VBP1: variants seen among roughly 807,000 people sequenced by gnomAD.
VBP1 encodes prefoldin subunit 3.
In VBP1, 4 loss-of-function variants were observed where a neutral mutation model predicts 15.5. That is an observed-to-expected ratio of 0.26 (90% CI 0.13 to 0.59). The LOEUF (loss-of-function observed/expected upper bound fraction) is 0.59, where lower values mean the gene tolerates loss of function less well. Ranked by LOEUF, VBP1 falls within the 20% of genes least tolerant of loss-of-function variation. The pLI is 0.90. For synonymous variants in VBP1, 61 were observed against 52.1 expected (o/e 1.17, Z -0.74); for missense variants, 108 against 139.6 (o/e 0.77, Z 1.14).
upstream of VBP1, among the ~76,000 whole-genome samples, chrX:155,214,250 T>C (rs1161882048): frequency 8.9e-6 from 1 of 112,594 alleles, no homozygotes; most frequent in East Asian, 2.7e-4. Flanking sequence ...AATGAAAATA[T>C]CAAGCAACAT....
intron 4 of VBP1, among the ~76,000 whole-genome samples, chrX:155,230,517 A>T (rs1347441941): frequency 5.4e-5 from 6 of 111,392 alleles, no homozygotes; most frequent in Non-Finnish European, 1.1e-4. Context: ...GAATTCCTAA[A>T]GTCTTTCCAG....
At chrX:155,235,122 G>A (rs782169463) in intron 4 of VBP1, among the ~76,000 whole-genome samples, 1 of 109,652 alleles carries the variant, frequency 9.1e-6, no homozygotes, top group African/African-American at 3.3e-5. Context: ...GTGTATGTGT[G>A]TGTGTGTGTG....
At chrX:155,230,438 A>G (rs782594012) in intron 4 of VBP1, among the ~76,000 whole-genome samples, 8 of 111,463 alleles carry the variant, frequency 7.2e-5, no homozygotes, top group African/African-American at 2.0e-4. Flanking sequence ...ACTTAAATGT[A>G]TCTTTTTTGG....
At chrX:155,210,918 C>G (rs1557308470) in intron 2 of VBP1, among the ~76,000 whole-genome samples, 1 of 111,936 alleles carries the variant, frequency 8.9e-6, no homozygotes, top group Non-Finnish European at 1.9e-5. Context: ...GCTGGCTTGG[C>G]TTTCTTGAAA....
intron 4 of VBP1, among the ~76,000 whole-genome samples, chrX:155,232,143 G>T (rs782458133): frequency 1.3e-4 from 14 of 110,183 alleles, no homozygotes; most frequent in African/African-American, 4.6e-4. Context: ...ATAGGTTTTT[G>T]TATGACAAAA....
chrX:155,227,535 A>AG (rs1287998920), intron 3 of VBP1, among the ~76,000 whole-genome samples: 10 of 112,596 alleles, frequency 8.9e-5, no homozygotes, highest in African/African-American at 2.9e-4. Context: ...GCTTATCTTT[A>AG]GTGCTTGTGA....
At chrX:155,217,253 A>G (rs1261989480) in intron 1 of VBP1, among the ~76,000 whole-genome samples, 1 of 112,303 alleles carries the variant, frequency 8.9e-6, no homozygotes, top group African/African-American at 3.2e-5. Flanking sequence ...TGATGGCGCT[A>G]GGTCCCAGGT....
At chrX:155,209,751 TAGG>T (rs1419698092) in intron 2 of VBP1, among the ~76,000 whole-genome samples, 1 of 112,099 alleles carries the variant, frequency 8.9e-6, no homozygotes, top group African/African-American at 3.2e-5. Flanking sequence ...ACATTTGTTT[TAGG>T]AGGAGTGACA....
chrX:155,214,853 T>C (rs1382196023), upstream of VBP1, among the ~76,000 whole-genome samples: 1 of 100,621 alleles, frequency 9.9e-6, no homozygotes, highest in African/African-American at 3.9e-5. Flanking sequence ...GCTGCAGCCA[T>C]GGCAGGAAGG....
At chrX:155,207,602 T>C (rs2074630460) in intron 1 of VBP1, among the ~76,000 whole-genome samples, 1 of 111,868 alleles carries the variant, frequency 8.9e-6, no homozygotes, top group African/African-American at 3.2e-5. Context: ...TCCAAATTGC[T>C]GGCATGGGGC....
chrX:155,200,838 A>G (rs2074600303), intron 1 of VBP1, among the ~76,000 whole-genome samples: 2 of 110,910 alleles, frequency 1.8e-5, no homozygotes, highest in South Asian at 7.7e-4. Context: ...TTTTGAAAGG[A>G]TCAACAAAAT....
chrX:155,231,305 G>A (rs1258364650), intron 4 of VBP1, among the ~76,000 whole-genome samples: 1 of 111,799 alleles, frequency 8.9e-6, no homozygotes, highest in Non-Finnish European at 1.9e-5. Context: ...TGCCAGTGTG[G>A]CCCCACATTT....
intron 1 of VBP1, among the ~76,000 whole-genome samples, chrX:155,217,304 G>A (rs781786697): frequency 8.9e-6 from 1 of 112,239 alleles, no homozygotes; most frequent in Non-Finnish European, 1.9e-5. Context: ...TCCACAGGCC[G>A]TTCTGGAGGG....
At chrX:155,198,628 C>T (rs2124024948) in intron 1 of VBP1, among the ~76,000 whole-genome samples, 1 of 110,372 alleles carries the variant, frequency 9.1e-6, no homozygotes, top group South Asian at 3.8e-4. Context: ...TCATCAAAGA[C>T]CAAAAGTAGA....
chrX:155,229,878 G>T (rs1156921294), intron 4 of VBP1, among the ~76,000 whole-genome samples: 3 of 111,776 alleles, frequency 2.7e-5, no homozygotes, highest in Non-Finnish European at 5.6e-5. Context: ...CTCTCAACCA[G>T]TCCTTCAGCA....
chrX:155,209,982 A>G (rs892881918), intron 2 of VBP1, among the ~76,000 whole-genome samples: 3 of 112,126 alleles, frequency 2.7e-5, no homozygotes, highest in Non-Finnish European at 5.6e-5. Context: ...TGAATCCTCC[A>G]CATCTTCCAA....
At chrX:155,203,074 C>T (rs2074611955) in intron 1 of VBP1, among the ~76,000 whole-genome samples, 1 of 111,998 alleles carries the variant, frequency 8.9e-6, no homozygotes, top group Non-Finnish European at 1.9e-5. Context: ...CGTCTCACAC[C>T]AGTTAGAATG....
intron 1 of VBP1, among the ~76,000 whole-genome samples, chrX:155,203,766 A>G (rs980973380): frequency 9.0e-6 from 1 of 111,409 alleles, no homozygotes; most frequent in Non-Finnish European, 1.9e-5. Context: ...TAATAATAAT[A>G]AAATAAAAAA....
chrX:155,235,741 A>T (rs2074769012), intron 4 of VBP1, among the ~76,000 whole-genome samples: 1 of 112,333 alleles, frequency 8.9e-6, no homozygotes, highest in South Asian at 3.7e-4. Flanking sequence ...AATTTATTTA[A>T]ATTGATACAA....
Sources: allele counts gnomAD v4.1 joint callset (sites outside exome capture counted in the v4.1 genomes callset), GRCh38; gene constraint gnomAD v4.1.1; transcripts MANE v1.5; gene names NCBI Gene and HGNC (gene_info 2026-07-23, HGNC 2026-07-21).